The following THRAP3 variants were observed in gnomAD, a reference collection of about 807,000 sequenced individuals.
The protein encoded by THRAP3 is thyroid hormone receptor-associated protein 3.
Under a neutral mutation model 101.0 loss-of-function variants are expected in THRAP3, and 16 were observed. That is an observed-to-expected ratio of 0.16 (90% CI 0.11 to 0.24). The LOEUF (loss-of-function observed/expected upper bound fraction) is 0.24. THRAP3 is among the 10% of genes least tolerant of loss of function. The probability of loss-of-function intolerance (pLI) is 1.00; values close to 1 mark genes in which losing one functional copy is unlikely to be tolerated. For synonymous variants in THRAP3, 407 were observed against 422.6 expected (o/e 0.96, Z 0.45); for missense variants, 989 against 1,202.7 (o/e 0.82, Z 2.63).
intron 1 of THRAP3, among the ~76,000 whole-genome samples, chr1:36,234,809 T>G (rs1645066620): frequency 2.0e-5 from 1 of 49,372 alleles, no homozygotes; most frequent in Non-Finnish European, 3.7e-5. Flanking sequence ...GTTTCAGTCT[T>G]TTTTTTTTTT....
At chr1:36,267,174 G>A (rs775536591) in intron 2 of THRAP3, among the ~76,000 whole-genome samples, 13 of 151,990 alleles carry the variant, frequency 8.6e-5, no homozygotes, top group Admixed American at 2.0e-4. Flanking sequence ...GTGAGCCACC[G>A]CGCCCTGCCT....
chr1:36,302,039 C>CTG (rs2124650492), intron 11 of THRAP3, among the ~76,000 whole-genome samples: 1 of 152,336 alleles, frequency 6.6e-6, no homozygotes, highest in African/African-American at 2.4e-5. Flanking sequence ...CCTGATGCCG[C>CTG]TGTCCCTCTC....
intron 2 of THRAP3, among the ~76,000 whole-genome samples, chr1:36,263,160 C>T (rs776227770): frequency 2.0e-5 from 3 of 149,258 alleles, no homozygotes; most frequent in Non-Finnish European, 3.0e-5. Context: ...AGTGCAGTGG[C>T]TTGATCACGG....
chr1:36,228,837 A>C (rs1644992211), intron 1 of THRAP3, among the ~76,000 whole-genome samples: 2 of 151,472 alleles, frequency 1.3e-5, no homozygotes, highest in Admixed American at 1.3e-4. Context: ...GCAGCTTTAT[A>C]ATCCATAAAA....
At chr1:36,245,510 T>G (rs2124427846) in intron 1 of THRAP3, among the ~76,000 whole-genome samples, 1 of 152,282 alleles carries the variant, frequency 6.6e-6, no homozygotes, top group East Asian at 1.9e-4. Flanking sequence ...CTTAAAGACC[T>G]TAAATATGAT....
the THRAP3 span, among the ~76,000 whole-genome samples, chr1:36,215,081 G>A: frequency 2.6e-5 from 4 of 151,628 alleles, no homozygotes; most frequent in East Asian, 7.8e-4. Context: ...AAAATTAGCC[G>A]AGCATGGTGG....
At chr1:36,265,563 T>C (rs1406573271) in intron 2 of THRAP3, among the ~76,000 whole-genome samples, 1 of 151,694 alleles carries the variant, frequency 6.6e-6, no homozygotes, top group African/African-American at 2.4e-5. Context: ...ATGCCCTTGG[T>C]ACTTGTTGGG....
chr1:36,282,754 A>T (rs79633164), intron 3 of THRAP3, 54 bp downstream of exon 3: 2 of 1,598,454 alleles, frequency 1.3e-6, no homozygotes, highest in South Asian at 2.2e-5. Flanking sequence ...GTCGATGTGG[A>T]TGTTTGAAGA....
intron 2 of THRAP3, among the ~76,000 whole-genome samples, chr1:36,276,804 C>A (rs533481801): frequency 6.6e-6 from 1 of 151,708 alleles, no homozygotes; most frequent in African/African-American, 2.4e-5. Flanking sequence ...CTGCAGTGAG[C>A]CGAGATCACG....
chr1:36,228,108 A>G (rs1644983164), intron 1 of THRAP3, among the ~76,000 whole-genome samples: 1 of 141,678 alleles, frequency 7.1e-6, no homozygotes, highest in South Asian at 2.3e-4. Context: ...ATGCAGTGGC[A>G]CTATCTTGGC....
chr1:36,235,201 C>T (rs1475993655), intron 1 of THRAP3, among the ~76,000 whole-genome samples: 1 of 152,014 alleles, frequency 6.6e-6, no homozygotes, highest in Non-Finnish European at 1.5e-5. Context: ...ATGACAGGCA[C>T]GTGGTAGGTA....
chr1:36,245,887 T>G (rs367985522), intron 1 of THRAP3, among the ~76,000 whole-genome samples: 3 of 152,332 alleles, frequency 2.0e-5, no homozygotes, highest in African/African-American at 7.2e-5. Context: ...AGTAGCAATT[T>G]TGAATAAATT....
intron 2 of THRAP3, among the ~76,000 whole-genome samples, chr1:36,269,221 C>A (rs1478765219): frequency 6.6e-6 from 1 of 152,108 alleles, no homozygotes; most frequent in Non-Finnish European, 1.5e-5. Flanking sequence ...GTGAAATTTG[C>A]CAGGCTGGTT....
the THRAP3 span, among the ~76,000 whole-genome samples, chr1:36,213,042 G>C: frequency 6.6e-6 from 1 of 152,186 alleles, no homozygotes; most frequent in Non-Finnish European, 1.5e-5. Flanking sequence ...TGTGTATGAA[G>C]AAGCTAAGGC....
chr1:36,296,525 T>C, intron 8 of THRAP3, 58 bp from the exon 9 acceptor site: 1 of 1,409,240 alleles, frequency 7.1e-7, no homozygotes, highest in South Asian at 1.5e-5. Context: ...GTTTGTGGGA[T>C]GGTTGAGTTG....
intron 1 of THRAP3, among the ~76,000 whole-genome samples, chr1:36,229,838 G>C (rs753824428): frequency 1.3e-5 from 2 of 151,480 alleles, no homozygotes; most frequent in Non-Finnish European, 2.9e-5. Flanking sequence ...TTTTAGTAGA[G>C]TTGAGGTTTC....
intron 1 of THRAP3, among the ~76,000 whole-genome samples, chr1:36,228,421 C>T: frequency 6.6e-6 from 1 of 152,202 alleles, no homozygotes; most frequent in Non-Finnish European, 1.5e-5. Context: ...AGGGTTTCAC[C>T]ATGCTGGCCA....
chr1:36,300,599 G>C (rs1401875260), intron 9 of THRAP3, among the ~76,000 whole-genome samples: 1 of 152,100 alleles, frequency 6.6e-6, no homozygotes, highest in East Asian at 1.9e-4. Flanking sequence ...CTGTATCTTA[G>C]ACTGAGCTCC....
chr1:36,292,188 C>G (rs976055931), intron 6 of THRAP3, among the ~76,000 whole-genome samples: 2 of 148,648 alleles, frequency 1.3e-5, no homozygotes, highest in Admixed American at 6.8e-5. Flanking sequence ...TTAGGTGCAT[C>G]TCTGTGGTTA....
Sources: allele counts gnomAD v4.1 joint callset (sites outside exome capture counted in the v4.1 genomes callset), GRCh38; gene constraint gnomAD v4.1.1; transcripts MANE v1.5; gene names NCBI Gene and HGNC (gene_info 2026-07-23, HGNC 2026-07-21).